CNGB1: variants seen among roughly 807,000 people sequenced by gnomAD.
CNGB1 encodes the protein cyclic nucleotide-gated channel beta-1.
A neutral mutation model predicts 151.7 loss-of-function variants in CNGB1; 126 were observed. That is an observed-to-expected ratio of 0.83 (90% confidence interval 0.72 to 0.96). The LOEUF (loss-of-function observed/expected upper bound fraction) is 0.96, where lower values mean the gene tolerates loss of function less well. Ranked by LOEUF, CNGB1 falls within the 40% of genes least tolerant of loss-of-function variation. The pLI is 0.00. For synonymous variants in CNGB1, 623 were observed against 635.1 expected (o/e 0.98, Z 0.29); for missense variants, 1,698 against 1,627.0 (o/e 1.04, Z -0.75).
Position 57,894,372 on chromosome 16 carries a change from G to A in CNGB1, c.3242+3025C>T, listed in dbSNP as rs184219563. On this transcript the variant is annotated intron_variant, in intron 31 of 32. Coordinates refer to ENST00000251102, the MANE Select transcript of CNGB1 (RefSeq NM_001297.5). ...TCCCAGAATTTTGGGAGGCAGAAGC[G>A]GGCAGATCACCTGAGGTGAGAAGTT... Among the ~76,000 whole-genome samples, 189 of 152,310 alleles carry A rather than the reference G, an allele frequency of 1.2e-3. 2 individuals carry two copies. The highest frequency in any genetic ancestry group is 3.4e-3 in the Middle Eastern group (1 of 294).
chr16:57,951,525 G>T (rs1012269806), intron 12 of CNGB1, among the ~76,000 whole-genome samples: 1 of 152,160 alleles, frequency 6.6e-6, no homozygotes, highest in Non-Finnish European at 1.5e-5. Context: ...CTGGGTAGTA[G>T]TAACAATGAC....
intron 12 of CNGB1, among the ~76,000 whole-genome samples, chr16:57,953,789 C>T (rs1460054729): frequency 3.9e-5 from 6 of 152,140 alleles, no homozygotes; most frequent in African/African-American, 7.2e-5. Flanking sequence ...CCAGCCTCTA[C>T]CCCGTCATCA....
In CNGB1 at chr16:57,884,578, G is replaced by A. The variant is rs1464943272; in HGVS notation, c.3463-121C>T. 9.3e-6 allele frequency: 10 copies of A among 1,071,706 alleles called. No individual in the cohort carries two copies. In the East Asian group the frequency reaches 1.8e-4, roughly 19 times the overall value. 66.4% of individuals were successfully genotyped at this position (1,071,706 alleles called of 1,614,324 possible). A position where few individuals can be genotyped will look rare whatever the true frequency, so the allele number is the denominator to read the frequency against. Reference sequence around the variant, plus strand: ...CAAAGAGGGCAGCGGAACACACAGCGGGTGAAATCTAGTGGGTGGGGTGGA... The same window carrying A: ...CAAAGAGGGCAGCGGAACACACAGCAGGTGAAATCTAGTGGGTGGGGTGGA... On this transcript the variant is annotated intron_variant, in intron 32 of 32. Coordinates refer to ENST00000251102, the MANE Select transcript of CNGB1 (RefSeq NM_001297.5).
At chr16:57,953,654 A>T (rs939141427) in intron 12 of CNGB1, among the ~76,000 whole-genome samples, 1 of 151,814 alleles carries the variant, frequency 6.6e-6, no homozygotes, top group East Asian at 1.9e-4. Flanking sequence ...CCAAACCTCC[A>T]TCCTTTCTGG....
intron 20 of CNGB1, among the ~76,000 whole-genome samples, 155 bp from the exon 21 acceptor site, chr16:57,917,631 C>T (rs199988001): frequency 0.021 from 2,355 of 113,554 alleles, 44 homozygotes; most frequent in East Asian, 0.073. Context: ...TATATATACA[C>T]ACACACACAC....
At chr16:57,955,935 CG>C (rs1244749469) in intron 12 of CNGB1, among the ~76,000 whole-genome samples, 1 of 152,194 alleles carries the variant, frequency 6.6e-6, no homozygotes, top group Non-Finnish European at 1.5e-5. Context: ...TGTTCTAAGC[CG>C]CCCAGTGTGC....
chr16:57,920,952 T>G (rs571289035), intron 18 of CNGB1, among the ~76,000 whole-genome samples: 3 of 152,060 alleles, frequency 2.0e-5, no homozygotes, highest in African/African-American at 7.2e-5. Context: ...CAGGCCTACT[T>G]TTTTAGGCTT....
intron 23 of CNGB1, among the ~76,000 whole-genome samples, chr16:57,914,744 G>A (rs1445880346): frequency 6.6e-6 from 1 of 152,198 alleles, no homozygotes; most frequent in Non-Finnish European, 1.5e-5. Flanking sequence ...CCTGGCCAGT[G>A]ATGAAACGGG....
chr16:57,950,608 A>G, intron 12 of CNGB1, 68 bp from the exon 13 acceptor site: 1 of 1,583,090 alleles, frequency 6.3e-7, no homozygotes, highest in African/African-American at 1.3e-5. Context: ...TCTGAGTCCC[A>G]GGGAGCCTGC....
chr16:57,949,970 A>T (rs1849638476), intron 13 of CNGB1, among the ~76,000 whole-genome samples: 6 of 152,218 alleles, frequency 3.9e-5, no homozygotes, highest in Admixed American at 3.9e-4. Context: ...AACCAACCTA[A>T]ATGTCCATCA....
intron 17 of CNGB1, among the ~76,000 whole-genome samples, chr16:57,929,654 C>G (rs552673599): frequency 6.6e-6 from 1 of 152,142 alleles, no homozygotes; most frequent in South Asian, 2.1e-4. Context: ...AAAGAAAGAG[C>G]AAATGCGGAG....
intron 14 of CNGB1, chr16:57,946,438 G>A (rs1961812269): frequency 6.6e-6 from 1 of 152,330 alleles, no homozygotes; most frequent in South Asian, 2.1e-4. Context: ...GGTTCAGCTG[G>A]GGGCTGTGGC....
At chr16:57,892,658 A>G (rs1422848001) in intron 31 of CNGB1, among the ~76,000 whole-genome samples, 2 of 121,454 alleles carry the variant, frequency 1.6e-5, no homozygotes, top group African/African-American at 9.2e-5. Flanking sequence ...GTCTGACCCA[A>G]TCTCTTCCCC....
Position 57,912,987 on chromosome 16 carries a change from G to A in CNGB1, c.2312C>T (p.Ala771Val). 6.2e-7 allele frequency: 1 copy of A among 1,613,976 alleles called. No individual in the cohort carries two copies. The highest frequency in any genetic ancestry group is 8.5e-7 in the Non-Finnish European group (1 of 1,179,864). ...CAGGCGGCTGTTAAACTCGAAGAAGGCCATGTACTGGAGGGAGAGGAGGGC... is the reference window on the plus strand; with the variant it reads ...CAGGCGGCTGTTAAACTCGAAGAAGACCATGTACTGGAGGGAGAGGAGGGC... The part of the protein sequence containing the change: ...LRLPRCLKYM[A>V]FFEFNSRLES... The change falls in exon 24 of 33, where the codon GCC (alanine) becomes GTC (valine). Residue 771 changes from alanine (A) to valine (V), a missense_variant. Transcript: ENST00000251102.
intron 27 of CNGB1, among the ~76,000 whole-genome samples, chr16:57,903,368 T>C (rs937881054): frequency 6.6e-6 from 1 of 151,756 alleles, no homozygotes; most frequent in Admixed American, 6.6e-5. Context: ...GGCACATGCC[T>C]GTAATCCCAG....
chr16:57,930,648 C>A (rs1189357336), intron 17 of CNGB1, among the ~76,000 whole-genome samples: 1 of 152,058 alleles, frequency 6.6e-6, no homozygotes, highest in Non-Finnish European at 1.5e-5. Context: ...CATATCCATA[C>A]AATGGGACAT....
intron 25 of CNGB1, among the ~76,000 whole-genome samples, chr16:57,905,139 A>G (rs1960512058): frequency 6.6e-6 from 1 of 152,288 alleles, no homozygotes; most frequent in Admixed American, 6.5e-5. Flanking sequence ...CTGAGGCTCC[A>G]GGGGATTTCC....
chr16:57,884,671 T>C (rs1198205047), intron 32 of CNGB1, among the ~76,000 whole-genome samples: 2 of 152,060 alleles, frequency 1.3e-5, no homozygotes, highest in Admixed American at 6.5e-5. Flanking sequence ...AAAGTCCCGG[T>C]TGGATTTCGT....
intron 15 of CNGB1, 31 bp downstream of exon 15, chr16:57,940,202 TC>T: frequency 3.2e-6 from 5 of 1,541,492 alleles, no homozygotes; most frequent in Non-Finnish European, 4.4e-6. Flanking sequence ...AAGCCAGGCC[TC>T]AGAGGTGCCA....
Sources: gnomAD v4.1 joint callset for allele counts (sites outside exome capture counted in the v4.1 genomes callset) on GRCh38, gnomAD v4.1.1 for gene constraint, MANE v1.5 for transcripts, NCBI Gene and HGNC (gene_info 2026-07-23, HGNC 2026-07-21) for gene names.